The following PARP15 variants were observed in gnomAD, a reference collection of about 807,000 sequenced individuals.
The protein encoded by PARP15 is poly(ADP-ribose) polymerase family member 15.
PARP15 carries 50 observed loss-of-function variants against 62.1 expected under a neutral mutation model. The ratio of observed to expected loss-of-function variants is 0.81; its 90% CI spans 0.64 to 1.02. The LOEUF (loss-of-function observed/expected upper bound fraction) is 1.02, where lower values mean the gene tolerates loss of function less well. Ranked by LOEUF, PARP15 falls within the 50% of genes least tolerant of loss-of-function variation. The pLI is 0.00. For synonymous variants in PARP15, 309 were observed against 293.1 expected (o/e 1.05, Z -0.55); for missense variants, 820 against 826.5 (o/e 0.99, Z 0.10).
Position 122,610,598 on chromosome 3 carries a change from A to G in PARP15, c.411A>G (p.Leu137=). 1 of 1,551,850 alleles carries G rather than the reference A, an allele frequency of 6.4e-7. No homozygotes were observed. The highest frequency in any genetic ancestry group is 8.7e-7 in the Non-Finnish European group (1 of 1,147,032). ...QKAGPMLQKE[L]DDRRRETEEK... ...CTGGTCCCATGCTCCAGAAAGAGTT[A>G]GATGACAGAAGGCGGGAAACAGAGG... is the stretch of plus-strand genomic sequence containing the variant. The change falls in exon 3 of 12, where the codon TTA becomes TTG. Residue 137 remains leucine (L), a synonymous_variant. Transcript: ENST00000464300.
intron 8 of PARP15, among the ~76,000 whole-genome samples, chr3:122,625,993 T>C (rs966123078): frequency 6.6e-6 from 1 of 152,186 alleles, no homozygotes; most frequent in Admixed American, 6.5e-5. Flanking sequence ...CTCTGCAGCA[T>C]CTCAGTAGGA....
chr3:122,618,063 A>G (rs1263260430), intron 6 of PARP15, among the ~76,000 whole-genome samples: 1 of 152,200 alleles, frequency 6.6e-6, no homozygotes, highest in Non-Finnish European at 1.5e-5. Flanking sequence ...TAAAATGTTG[A>G]CTTTTAAATT....
intron 1 of PARP15, among the ~76,000 whole-genome samples, chr3:122,581,498 G>A (rs1157235895): frequency 6.6e-6 from 1 of 152,032 alleles, no homozygotes; most frequent in East Asian, 1.9e-4. Context: ...CTAATGATTA[G>A]CAGTGTTGAG....
At chr3:122,615,957 G>A in intron 5 of PARP15, 100 bp downstream of exon 5, 1 of 1,181,844 alleles carries the variant, frequency 8.5e-7, no homozygotes. Context: ...TAATTCACAT[G>A]AAGAACAAAT....
rs1333122769 is a variant in PARP15 at position 122,635,927 on chromosome 3, A to G, written c.1864A>G (p.Thr622Ala). The G allele has an allele frequency of 1.2e-6, 2 of 1,614,154 alleles. No individual in the cohort carries two copies. The highest frequency in any genetic ancestry group is 3.3e-5 in the Admixed American group (2 of 60,010). Residue 622 changes from threonine (T) to alanine (A), a missense_variant, in exon 12 of 12, where the codon ACT becomes GCT. Around this residue, in one of 3 missense-constraint regions of PARP15, gnomAD observed 84 missense variants for 79.7 expected, o/e 1.05. Transcript: ENST00000464300. ...GCACATGTACGTTGTGCGAGTACTT[A>G]CTGGAGTCTTCACAAAGGGACGTGC... ...RKHMYVVRVLTGVFTKGRAGL... is the reference protein window; with the variant it reads ...RKHMYVVRVLAGVFTKGRAGL...
At chr3:122,577,971 A>AG in intron 1 of PARP15, 118 bp downstream of exon 1, 1 of 1,132,228 alleles carries the variant, frequency 8.8e-7, no homozygotes, top group African/African-American at 1.6e-5. Context: ...CCTCTCTTCT[A>AG]GGGGGCGCCG....
At chr3:122,585,625 A>G (rs1933364242) in intron 1 of PARP15, among the ~76,000 whole-genome samples, 1 of 152,242 alleles carries the variant, frequency 6.6e-6, no homozygotes, top group Non-Finnish European at 1.5e-5. Context: ...CTGGGGGTCT[A>G]TGGCAACTGA....
chr3:122,617,770 C>G (rs181032598), intron 6 of PARP15, among the ~76,000 whole-genome samples: 1 of 152,186 alleles, frequency 6.6e-6, no homozygotes, highest in Non-Finnish European at 1.5e-5. Context: ...ACTCTGTCGC[C>G]CAGGCTGGAA....
At chr3:122,605,585 T>A (rs2107522784) in intron 1 of PARP15, among the ~76,000 whole-genome samples, 1 of 152,346 alleles carries the variant, frequency 6.6e-6, no homozygotes, top group African/African-American at 2.4e-5. Context: ...TTATTTTTCA[T>A]CTTTTTGAGA....
chr3:122,625,086 C>G lies in PARP15; in HGVS notation c.1232-1741C>G, dbSNP rs368498147. ...TATTCTTACCTACCATATTCTTATC[C>G]CTATTACCTTCTATTATTACCCCCA... is the stretch of plus-strand genomic sequence containing the variant. On this transcript the variant is annotated intron_variant, in intron 8 of 11. Transcript: ENST00000464300. Among the ~76,000 whole-genome samples the G allele has an allele frequency of 1.4e-4, 21 of 151,908 alleles. No individual in the cohort carries two copies. In the East Asian group the frequency reaches 3.5e-3, roughly 25 times the overall value.
intron 10 of PARP15, among the ~76,000 whole-genome samples, chr3:122,632,545 C>A (rs78302957): frequency 6.6e-6 from 1 of 152,196 alleles, no homozygotes; most frequent in Non-Finnish European, 1.5e-5. Flanking sequence ...TCTGATCCAG[C>A]GGCTTGATGG....
chr3:122,587,894 G>GTA (rs916840060), intron 1 of PARP15, among the ~76,000 whole-genome samples: 22 of 152,130 alleles, frequency 1.4e-4, no homozygotes. Context: ...TTTACTGTCT[G>GTA]TATATCCTCC....
Position 122,636,064 on chromosome 3 carries a change from G to C in PARP15, c.2001G>C (p.Gln667His). The C allele has an allele frequency of 6.2e-7, 1 of 1,613,380 alleles. No homozygotes were observed. ...PKLFVVFFDNQAYPEYLITFT... is the reference protein window; with the variant it reads ...PKLFVVFFDNHAYPEYLITFT... ...TATTTGTGGTATTCTTTGATAATCA[G>C]GCTTACCCAGAATATCTCATAACTT... The change falls in exon 12 of 12, where the codon CAG (glutamine) becomes CAC (histidine). Residue 667 changes from glutamine to histidine, a missense_variant. Coordinates refer to ENST00000464300, the MANE Select transcript of PARP15 (RefSeq NM_001113523.3).
intron 1 of PARP15, among the ~76,000 whole-genome samples, chr3:122,578,895 G>A (rs9289201): frequency 0.26 from 38,921 of 152,082 alleles, 5,145 homozygotes; most frequent in Admixed American, 0.31. Context: ...ATTAAATTGT[G>A]AATTGGTGGG....
chr3:122,578,644 T>C (rs536412113), intron 1 of PARP15, among the ~76,000 whole-genome samples: 1 of 152,296 alleles, frequency 6.6e-6, no homozygotes, highest in African/African-American at 2.4e-5. Context: ...TCAGGGCTAG[T>C]CTTCCTAGAG....
chr3:122,609,840 C>T (rs948095925), intron 2 of PARP15, among the ~76,000 whole-genome samples: 1 of 152,126 alleles, frequency 6.6e-6, no homozygotes, highest in Non-Finnish European at 1.5e-5. Context: ...TGTAACATCT[C>T]ATGGCATTAG....
chr3:122,624,223 C>T (rs1936542016), intron 8 of PARP15, among the ~76,000 whole-genome samples: 1 of 152,032 alleles, frequency 6.6e-6, no homozygotes, highest in Non-Finnish European at 1.5e-5. Flanking sequence ...CACTAAACTC[C>T]TATGAAGTAG....
chr3:122,585,409 T>G (rs1933340339), intron 1 of PARP15, among the ~76,000 whole-genome samples: 1 of 152,182 alleles, frequency 6.6e-6, no homozygotes, highest in Non-Finnish European at 1.5e-5. Flanking sequence ...TGGGGTATGA[T>G]CTGATTGGAT....
intron 1 of PARP15, among the ~76,000 whole-genome samples, chr3:122,584,467 G>C (rs536734816): frequency 6.6e-6 from 1 of 151,830 alleles, no homozygotes; most frequent in Non-Finnish European, 1.5e-5. Flanking sequence ...CCTTGTTCCT[G>C]ACGTTAATGA....
Sources: gnomAD v4.1 joint callset for allele counts (sites outside exome capture counted in the v4.1 genomes callset) on GRCh38, gnomAD v4.1.1 for gene constraint, gnomAD v4.1.1 regional missense constraint, MANE v1.5 for transcripts, NCBI Gene and HGNC (gene_info 2026-07-23, HGNC 2026-07-21) for gene names.